Variants in NCAM1 observed in about 807,000 individuals in gnomAD.
NCAM1 encodes neural cell adhesion molecule 1, also known as antigen recognized by monoclonal antibody 5.1H11.
Under a neutral mutation model 109.8 loss-of-function variants are expected in NCAM1, and 14 were observed. The observed-to-expected ratio is 0.13, with a 90% CI of 0.08 to 0.20. The LOEUF (loss-of-function observed/expected upper bound fraction) is 0.20, where lower values mean the gene tolerates loss of function less well. Ranked by LOEUF, NCAM1 falls within the 10% of genes least tolerant of loss-of-function variation. The pLI is 1.00. For missense variants in NCAM1, 774 were observed against 1,109.9 expected (o/e 0.70, Z 4.30); for synonymous variants, 418 against 442.9 (o/e 0.94, Z 0.70).
At chr11:113,098,378 C>T (rs1939704845) in intron 1 of NCAM1, among the ~76,000 whole-genome samples, 2 of 152,162 alleles carry the variant, frequency 1.3e-5, no homozygotes, top group African/African-American at 4.8e-5. Flanking sequence ...TGAATCATCT[C>T]TAGATTACTT....
In NCAM1 at chr11:113,253,651, C is replaced by T. The variant is rs1352002557; in HGVS notation, c.1829-2226C>T. ...GAGGAACTAATTAGGAACGTGCAGC[C>T]AGGGAGGCCCCAGTGGACTGATCCC... On this transcript the variant is annotated intron_variant, in intron 15 of 19. Coordinates refer to ENST00000316851, the MANE Select transcript of NCAM1 (RefSeq NM_181351.5). Among the ~76,000 whole-genome samples, 3 of 152,130 alleles carry T rather than the reference C, an allele frequency of 2.0e-5. No individual in the cohort carries two copies. The East Asian group carries it at 5.8e-4, about 29-fold the overall frequency.
chr11:113,028,339 G>T (rs1952618062), intron 1 of NCAM1, among the ~76,000 whole-genome samples: 1 of 151,246 alleles, frequency 6.6e-6, no homozygotes, highest in African/African-American at 2.4e-5. Context: ...CACGTTTTTT[G>T]AACTTGTCAA....
intron 1 of NCAM1, among the ~76,000 whole-genome samples, chr11:113,003,410 G>T (rs2135012772): frequency 6.6e-6 from 1 of 152,282 alleles, no homozygotes; most frequent in East Asian, 1.9e-4. Flanking sequence ...TTTTATTGCA[G>T]TTGTCTTGTG....
In NCAM1 at chr11:113,118,387, G is replaced by C. The variant is rs80350551; in HGVS notation, c.53-83992G>C. 7.5e-3 allele frequency among the ~76,000 whole-genome samples: 1,134 copies of C among 151,994 alleles called. 21 individuals are homozygous for C. Among genetic ancestry groups the C allele is most frequent in the African/African-American group, 0.025 (1,042 of 41,306 alleles). On this transcript the variant is annotated intron_variant, in intron 1 of 19. Coordinates refer to ENST00000316851, the MANE Select transcript of NCAM1 (RefSeq NM_181351.5). ...TACCTACTAATGATATCTCAGAAAA[G>C]GGCCCTGCCTTTATTGGGGAAGATT...
chr11:113,135,230 T>G (rs1357334993), intron 1 of NCAM1, among the ~76,000 whole-genome samples: 1 of 152,046 alleles, frequency 6.6e-6, no homozygotes, highest in Non-Finnish European at 1.5e-5. Flanking sequence ...ATAGGCAGAG[T>G]TGGGGTTCAC....
At chr11:113,204,925 A>C (rs1944190586) in intron 3 of NCAM1, among the ~76,000 whole-genome samples, 1 of 152,184 alleles carries the variant, frequency 6.6e-6, no homozygotes, top group African/African-American at 2.4e-5. Context: ...ATTGCCTCTG[A>C]AACCCCATCT....
At chr11:113,181,390 A>T (rs1943324860) in intron 1 of NCAM1, among the ~76,000 whole-genome samples, 1 of 152,148 alleles carries the variant, frequency 6.6e-6, no homozygotes, top group African/African-American at 2.4e-5. Flanking sequence ...TAGGCTAACA[A>T]ATGATGGCCA....
rs782065926 is a variant in NCAM1 at position 113,275,418 on chromosome 11, TA to T, written c.*36del. 8.7e-6 allele frequency: 14 copies of T among 1,600,548 alleles called. No homozygotes were observed. Among genetic ancestry groups the T allele is most frequent in the Admixed American group, 1.7e-5 (1 of 58,124 alleles). ...GAAGAGAACCGAGCAAAGATCAAAA[TA>T]AAAAGTGACACAGCAGCTTCACCAG... is the stretch of plus-strand genomic sequence containing the variant. On this transcript the variant is annotated 3_prime_UTR_variant, in exon 20 of 20. Transcript: ENST00000316851.
rs549787735 is a variant in NCAM1 at position 113,020,009 on chromosome 11, T to C, written c.52+58345T>C. ...TCACATTTCACTTCCCATTCTGTGA[T>C]TATAAAGAGGTCATTTTTGCAAGGA... On this transcript the variant is annotated intron_variant, in intron 1 of 19. Transcript: ENST00000316851. Among the ~76,000 whole-genome samples the C allele has an allele frequency of 3.3e-5, 5 of 152,270 alleles. No homozygotes were observed. The East Asian group carries it at 9.7e-4, about 29-fold the overall frequency.
chr11:113,169,058 GTGTGTGTGTGTGTC>G lies in NCAM1; in HGVS notation c.53-33305_53-33292del, dbSNP rs1172586429. ...TTTCTGTGTGTGTGTGTGTGTGTGTGTGTGTGTGTGTGTCTGTGTGTGTGTGTCTTTGTTTTTTG... is the reference window on the plus strand; with the variant it reads ...TTTCTGTGTGTGTGTGTGTGTGTGTGTGTGTGTGTGTGTCTTTGTTTTTTG... On this transcript the variant is annotated intron_variant, in intron 1 of 19. Coordinates refer to ENST00000316851, the MANE Select transcript of NCAM1 (RefSeq NM_181351.5). Among the ~76,000 whole-genome samples the G allele has an allele frequency of 5.2e-4, 78 of 149,164 alleles. 1 individual carries two copies. The highest frequency in any genetic ancestry group is 1.0e-3 in the Admixed American group (15 of 14,960).
chr11:113,235,406 T>A, intron 14 of NCAM1: 1 of 839,214 alleles, frequency 1.2e-6, no homozygotes, highest in Non-Finnish European at 2.0e-6. Context: ...TCCAGCTTGT[T>A]AGAATAACAG....
chr11:113,104,569 G>A (rs1250724415), intron 1 of NCAM1, among the ~76,000 whole-genome samples: 4 of 152,148 alleles, frequency 2.6e-5, no homozygotes, highest in African/African-American at 9.7e-5. Context: ...CTGCCTTTCA[G>A]CTTGAAGTCC....
intron 9 of NCAM1, chr11:113,231,093 A>G (rs1944991700): frequency 4.3e-6 from 5 of 1,150,914 alleles, no homozygotes; most frequent in Non-Finnish European, 4.9e-6. Flanking sequence ...TTGTTTTTAC[A>G]TGTGATTATT....
At chr11:113,117,327 A>G (rs1490049801) in intron 1 of NCAM1, among the ~76,000 whole-genome samples, 5 of 151,946 alleles carry the variant, frequency 3.3e-5, no homozygotes, top group Admixed American at 2.6e-4. Context: ...TCTAGGAAAC[A>G]TGGTTTAATA....
In NCAM1 at chr11:113,270,484, G is replaced by A. The variant is rs200442266; in HGVS notation, c.2339+89G>A. ...CTGCACCACCCTGCGCCATCAGCTG[G>A]TGCCTTTCCTTTCATTGCACGTTCT... On this transcript the variant is annotated intron_variant, in intron 18 of 19. Coordinates refer to ENST00000316851, the MANE Select transcript of NCAM1 (RefSeq NM_181351.5). 1.7e-5 allele frequency: 21 copies of A among 1,260,928 alleles called. No individual in the cohort carries two copies. In the African/African-American group the frequency reaches 2.8e-4, roughly 17 times the overall value. The allele number at this position is 1,260,928 out of a possible 1,614,324, so 78.1% of individuals were successfully genotyped here.
Position 113,205,645 on chromosome 11 carries a change from G to A in NCAM1, c.469G>A (p.Asp157Asn). 6.2e-7 allele frequency: 1 copy of A among 1,613,418 alleles called. No homozygotes were observed. Among genetic ancestry groups the A allele is most frequent in the Non-Finnish European group, 8.5e-7 (1 of 1,179,720 alleles). ...CATCATCTGGAAACACAAAGGCCGA[G>A]ATGTCATCCTGAAAAAAGATGGTGA... The part of the protein sequence containing the change: ...PTIIWKHKGR[D>N]VILKKDVRFI... The change falls in exon 4 of 20, where the codon GAT becomes AAT. Residue 157 changes from aspartate to asparagine, a missense_variant. Asp to Asn is a conservative substitution (Grantham distance 23). Coordinates refer to ENST00000316851, the MANE Select transcript of NCAM1 (RefSeq NM_181351.5).
At chr11:112,981,648 C>T (rs1424114751) in intron 1 of NCAM1, among the ~76,000 whole-genome samples, 1 of 151,798 alleles carries the variant, frequency 6.6e-6, no homozygotes, top group Non-Finnish European at 1.5e-5. Context: ...GCAAATTTTC[C>T]ACTAGGATGC....
chr11:113,031,511 G>A (rs1005549195), intron 1 of NCAM1, among the ~76,000 whole-genome samples: 2 of 152,078 alleles, frequency 1.3e-5, no homozygotes, highest in African/African-American at 4.8e-5. Context: ...GACCAACATG[G>A]TGAAACCCCT....
intron 1 of NCAM1, among the ~76,000 whole-genome samples, chr11:113,148,379 T>C (rs1348752324): frequency 6.6e-6 from 1 of 151,270 alleles, no homozygotes; most frequent in Non-Finnish European, 1.5e-5. Flanking sequence ...TTTTTCCTTT[T>C]TTTTCTTTTT....
Sources: allele counts gnomAD v4.1 joint callset (sites outside exome capture counted in the v4.1 genomes callset), GRCh38; gene constraint gnomAD v4.1.1; transcripts MANE v1.5; gene names NCBI Gene and HGNC (gene_info 2026-07-23, HGNC 2026-07-21).